Variants in HDAC8 observed in about 807,000 individuals in gnomAD.
The protein encoded by HDAC8 is histone deacetylase 8.
In HDAC8, 1 loss-of-function variant was observed where a neutral mutation model predicts 32.2. That is an observed-to-expected ratio of 0.03 (90% confidence interval 0.01 to 0.15). HDAC8 has a LOEUF of 0.15. Ranked by LOEUF, HDAC8 falls within the 10% of genes least tolerant of loss-of-function variation. HDAC8 has a pLI of 1.00. For synonymous variants in HDAC8, 108 were observed against 113.9 expected (o/e 0.95, Z 0.33); for missense variants, 117 against 300.0 (o/e 0.39, Z 4.51).
At chrX:72,420,804 T>C (rs1317645587) in intron 9 of HDAC8, among the ~76,000 whole-genome samples, 1 of 111,863 alleles carries the variant, frequency 8.9e-6, no homozygotes, top group Non-Finnish European at 1.9e-5. Flanking sequence ...TTGAATAAAA[T>C]ATTTTTTCCA....
chrX:72,570,246 A>G (rs2051970211), intron 2 of HDAC8, among the ~76,000 whole-genome samples: 1 of 112,059 alleles, frequency 8.9e-6, no homozygotes, highest in African/African-American at 3.2e-5. Context: ...TCCCAGTCCT[A>G]AAAGCTCCCT....
At chrX:72,565,980 C>T (rs1474374661) in intron 4 of HDAC8, among the ~76,000 whole-genome samples, 1 of 107,862 alleles carries the variant, frequency 9.3e-6, no homozygotes, top group African/African-American at 3.4e-5. Context: ...GACCTCATCT[C>T]TACAAAAAAT....
chrX:72,518,238 AT>A (rs1197536165), intron 4 of HDAC8, among the ~76,000 whole-genome samples: 1 of 111,356 alleles, frequency 9.0e-6, no homozygotes, highest in African/African-American at 3.3e-5. Flanking sequence ...TATTTTCACC[AT>A]TCCAATAAGA....
At chrX:72,455,190 C>T (rs1555989168) in intron 9 of HDAC8, among the ~76,000 whole-genome samples, 1 of 111,900 alleles carries the variant, frequency 8.9e-6, no homozygotes, top group Non-Finnish European at 1.9e-5. Context: ...GGTGCAAAAG[C>T]AATGGTGGGT....
At chrX:72,356,125 G>A (rs982054468) in intron 9 of HDAC8, among the ~76,000 whole-genome samples, 3 of 111,930 alleles carry the variant, frequency 2.7e-5, no homozygotes, top group Non-Finnish European at 5.6e-5. Context: ...CTGAAGCCCA[G>A]GACAGTAGGA....
intron 10 of HDAC8, among the ~76,000 whole-genome samples, chrX:72,341,500 T>C (rs1396380599): frequency 8.9e-6 from 1 of 112,053 alleles, no homozygotes; most frequent in Non-Finnish European, 1.9e-5. Flanking sequence ...ATGCTTGTAC[T>C]TGGGTAGTTC....
intron 9 of HDAC8, among the ~76,000 whole-genome samples, chrX:72,436,982 C>A (rs1036119223): frequency 8.9e-6 from 1 of 111,949 alleles, no homozygotes; most frequent in Admixed American, 9.4e-5. Context: ...AAATAAAATT[C>A]TTTAAAAATG....
chrX:72,356,003 T>C (rs1484970513), intron 9 of HDAC8, among the ~76,000 whole-genome samples: 1 of 112,281 alleles, frequency 8.9e-6, no homozygotes, highest in Non-Finnish European at 1.9e-5. Flanking sequence ...ACAAGCTTAT[T>C]ATGTGTCAGG....
intron 9 of HDAC8, among the ~76,000 whole-genome samples, chrX:72,401,702 C>G (rs996862936): frequency 5.4e-5 from 6 of 112,013 alleles, no homozygotes; most frequent in Admixed American, 4.7e-4. Context: ...GGTTCTTTAC[C>G]CATTTTAAAA....
At chrX:72,332,950 C>A (rs2043571522) in intron 10 of HDAC8, among the ~76,000 whole-genome samples, 1 of 111,887 alleles carries the variant, frequency 8.9e-6, no homozygotes, top group Non-Finnish European at 1.9e-5. Context: ...CTGCACCCAG[C>A]CCTTTATATA....
intron 9 of HDAC8, among the ~76,000 whole-genome samples, chrX:72,449,620 T>C (rs2047518947): frequency 9.0e-6 from 1 of 110,514 alleles, no homozygotes; most frequent in Non-Finnish European, 1.9e-5. Flanking sequence ...TTAAATAAAA[T>C]GGCAGACTTA....
chrX:72,506,328 G>A (rs782174341), intron 4 of HDAC8, among the ~76,000 whole-genome samples: 173 of 112,007 alleles, frequency 1.5e-3, no homozygotes, highest in African/African-American at 5.3e-3. Context: ...TATAATTCTG[G>A]TGGCTGGAAA....
chrX:72,538,235 G>A (rs1261034370), intron 4 of HDAC8, among the ~76,000 whole-genome samples: 4 of 106,162 alleles, frequency 3.8e-5, no homozygotes, highest in African/African-American at 1.0e-4. Flanking sequence ...CCAAGCTGGA[G>A]TGCAGTGGCA....
chrX:72,383,801 C>T (rs1346196064), intron 9 of HDAC8, among the ~76,000 whole-genome samples: 2 of 95,723 alleles, frequency 2.1e-5, no homozygotes, highest in Non-Finnish European at 4.0e-5. Flanking sequence ...ACCCGGGAGG[C>T]GGAGCTTGCA....
chrX:72,462,136 G>A (rs896339753), intron 8 of HDAC8, 38 bp from the exon 9 acceptor site: 1 of 1,022,053 alleles, frequency 9.8e-7, no homozygotes, highest in Non-Finnish European at 1.4e-6. Flanking sequence ...GGAAAGAATA[G>A]TCATAAAACA....
intron 4 of HDAC8, among the ~76,000 whole-genome samples, chrX:72,511,533 T>C (rs782303536): frequency 8.9e-6 from 1 of 111,763 alleles, no homozygotes; most frequent in Non-Finnish European, 1.9e-5. Context: ...CCAAAGACTT[T>C]ATGTGCTTGC....
At chrX:72,476,327 G>T (rs2048334051) in intron 7 of HDAC8, among the ~76,000 whole-genome samples, 1 of 110,524 alleles carries the variant, frequency 9.0e-6, no homozygotes, top group Non-Finnish European at 1.9e-5. Context: ...CAGGGGGTAG[G>T]GTGGGCAAAG....
At chrX:72,565,956 G>T (rs782510718) in intron 4 of HDAC8, among the ~76,000 whole-genome samples, 1 of 110,778 alleles carries the variant, frequency 9.0e-6, no homozygotes, top group Non-Finnish European at 1.9e-5. Flanking sequence ...AGACCAGCCT[G>T]GGCAACATAG....
intron 4 of HDAC8, among the ~76,000 whole-genome samples, chrX:72,540,318 T>A (rs2050662070): frequency 8.9e-6 from 1 of 112,573 alleles, no homozygotes; most frequent in African/African-American, 3.2e-5. Flanking sequence ...ATTATTTCAT[T>A]CTTTTATTCA....
Sources: gnomAD v4.1 joint callset for allele counts (sites outside exome capture counted in the v4.1 genomes callset) on GRCh38, gnomAD v4.1.1 for gene constraint, MANE v1.5 for transcripts, NCBI Gene and HGNC (gene_info 2026-07-23, HGNC 2026-07-21) for gene names.